GRM5: variants seen among roughly 807,000 people sequenced by gnomAD.
GRM5 encodes glutamate metabotropic receptor 5, also known as metabotropic glutamate receptor 5.
Under a neutral mutation model 83.1 loss-of-function variants are expected in GRM5, and 19 were observed. The ratio of observed to expected loss-of-function variants is 0.23; its 90% CI spans 0.16 to 0.34. The LOEUF is 0.34. Ranked by LOEUF, GRM5 falls within the 10% of genes least tolerant of loss-of-function variation. The probability of loss-of-function intolerance (pLI) is 1.00; values close to 1 mark genes in which losing one functional copy is unlikely to be tolerated. For missense variants in GRM5, 1,160 were observed against 1,588.3 expected (o/e 0.73, Z 4.58); for synonymous variants, 675 against 633.6 (o/e 1.07, Z -0.98).
chr11:88,587,873 C>CAA (rs1943350714), intron 7 of GRM5, among the ~76,000 whole-genome samples: 3 of 152,128 alleles, frequency 2.0e-5, no homozygotes, highest in Non-Finnish European at 4.4e-5. Flanking sequence ...TAAAAATACA[C>CAA]AAGTTTTCCT....
intron 3 of GRM5, among the ~76,000 whole-genome samples, chr11:88,786,899 C>T (rs891540671): frequency 6.6e-6 from 1 of 152,006 alleles, no homozygotes; most frequent in Non-Finnish European, 1.5e-5. Flanking sequence ...ACATAAGAGG[C>T]AATCTATAAA....
chr11:88,698,237 G>A (rs1387043167), intron 3 of GRM5, among the ~76,000 whole-genome samples: 1 of 152,092 alleles, frequency 6.6e-6, no homozygotes, highest in African/African-American at 2.4e-5. Flanking sequence ...GTCGGGCCCT[G>A]CTTGTCCTGC....
intron 4 of GRM5, among the ~76,000 whole-genome samples, chr11:88,640,048 G>C (rs1939247612): frequency 1.3e-5 from 2 of 152,136 alleles, no homozygotes. Context: ...CATAGCTGGG[G>C]CTTTGATATA....
intron 3 of GRM5, among the ~76,000 whole-genome samples, chr11:88,664,314 C>A (rs1193628445): frequency 1.2e-5 from 1 of 85,542 alleles, no homozygotes; most frequent in African/African-American, 3.5e-5. Flanking sequence ...AATCAATCAA[C>A]CCAGATTTAA....
At chr11:88,934,749 A>C (rs1376192885) in intron 2 of GRM5, among the ~76,000 whole-genome samples, 1 of 151,874 alleles carries the variant, frequency 6.6e-6, no homozygotes, top group Non-Finnish European at 1.5e-5. Context: ...TTAGGGTCTA[A>C]TTCATAATGC....
At chr11:88,616,550 C>T (rs899986283) in intron 4 of GRM5, among the ~76,000 whole-genome samples, 2 of 151,354 alleles carry the variant, frequency 1.3e-5, no homozygotes, top group Non-Finnish European at 2.9e-5. Context: ...TAGCTTAGTC[C>T]GGGGTAGGAT....
intron 2 of GRM5, among the ~76,000 whole-genome samples, chr11:88,914,753 A>C (rs1230134735): frequency 6.6e-6 from 1 of 152,206 alleles, no homozygotes; most frequent in Non-Finnish European, 1.5e-5. Context: ...TATCCACTTT[A>C]CTTTCAAGGA....
intron 2 of GRM5, among the ~76,000 whole-genome samples, chr11:88,894,564 C>A (rs183673240): frequency 4.8e-4 from 73 of 152,106 alleles, no homozygotes; most frequent in Middle Eastern, 3.4e-3. Flanking sequence ...TAGTGCCTCC[C>A]AGGCACTAAT....
At chr11:88,925,336 C>A (rs141363567) in intron 2 of GRM5, among the ~76,000 whole-genome samples, 1 of 78,894 alleles carries the variant, frequency 1.3e-5, no homozygotes, top group African/African-American at 4.5e-5. Context: ...TATTTTTTTC[C>A]TTTTCCTTAG....
At chr11:89,014,455 T>G (rs555908104) in intron 2 of GRM5, among the ~76,000 whole-genome samples, 24 of 141,164 alleles carry the variant, frequency 1.7e-4, no homozygotes, top group South Asian at 1.0e-3. Flanking sequence ...GATAGGGCTG[T>G]TTTTTTTGCC....
In GRM5 at chr11:88,809,118, T is replaced by C. The variant is rs115375440; in HGVS notation, c.911+40788A>G. On this transcript the variant is annotated intron_variant, in intron 3 of 9. Coordinates refer to ENST00000305447, the MANE Select transcript of GRM5 (RefSeq NM_001143831.3). ...ATTCACAAGTTACTGAGAAAAAGCATAGAGCAACTGATTCAAATTAAGAAC... is the reference window on the plus strand; with the variant it reads ...ATTCACAAGTTACTGAGAAAAAGCACAGAGCAACTGATTCAAATTAAGAAC... Among the ~76,000 whole-genome samples, 393 of 152,150 alleles carry C rather than the reference T, an allele frequency of 2.6e-3. 3 individuals are homozygous for C. Among genetic ancestry groups the C allele is most frequent in the African/African-American group, 9.1e-3 (378 of 41,562 alleles).
chr11:88,658,512 G>C (rs975444545), intron 3 of GRM5, among the ~76,000 whole-genome samples: 1 of 152,122 alleles, frequency 6.6e-6, no homozygotes, highest in Non-Finnish European at 1.5e-5. Context: ...GAGTTAAATA[G>C]GGTTTAGAGA....
chr11:88,854,640 T>G (rs1939093), intron 2 of GRM5, among the ~76,000 whole-genome samples: 66,396 of 151,518 alleles, frequency 0.44, 14,812 homozygotes, highest in African/African-American at 0.5. Context: ...AGGGAAGAGG[T>G]CAGGAAGGGA....
intron 3 of GRM5, among the ~76,000 whole-genome samples, chr11:88,690,474 C>T (rs1321967201): frequency 6.6e-6 from 1 of 151,726 alleles, no homozygotes; most frequent in Non-Finnish European, 1.5e-5. Context: ...TTTATTCATG[C>T]TGCTTTATTT....
intron 4 of GRM5, among the ~76,000 whole-genome samples, chr11:88,642,177 C>T (rs1939313259): frequency 1.3e-5 from 2 of 152,186 alleles, no homozygotes; most frequent in African/African-American, 4.8e-5. Context: ...GCCACCAAAG[C>T]TTATGACTTC....
At chr11:89,060,942 T>G (rs1941978827) in intron 1 of GRM5, among the ~76,000 whole-genome samples, 1 of 152,112 alleles carries the variant, frequency 6.6e-6, no homozygotes, top group Non-Finnish European at 1.5e-5. Context: ...CTGACTAAAA[T>G]GACTAGAATT....
intron 2 of GRM5, among the ~76,000 whole-genome samples, chr11:89,004,413 A>T (rs2135076102): frequency 6.6e-6 from 1 of 152,304 alleles, no homozygotes; most frequent in South Asian, 2.1e-4. Context: ...ATTATTATAG[A>T]TTTGATTATC....
At chr11:89,000,523 C>T (rs964823576) in intron 2 of GRM5, among the ~76,000 whole-genome samples, 6 of 152,050 alleles carry the variant, frequency 3.9e-5, no homozygotes, top group Admixed American at 2.0e-4. Context: ...AAAAAAGAAA[C>T]GAATCTCAAT....
chr11:88,758,352 G>A (rs117231589), intron 3 of GRM5, among the ~76,000 whole-genome samples: 151 of 152,262 alleles, frequency 9.9e-4, no homozygotes, highest in Middle Eastern at 3.4e-3. Flanking sequence ...TGATGCATGA[G>A]TTGACAGACA....
Sources: gnomAD v4.1 joint callset for allele counts (sites outside exome capture counted in the v4.1 genomes callset) on GRCh38, gnomAD v4.1.1 for gene constraint, MANE v1.5 for transcripts, NCBI Gene and HGNC (gene_info 2026-07-23, HGNC 2026-07-21) for gene names.